Variants in TAFA5 observed in about 807,000 individuals in gnomAD.
TAFA5 encodes TAFA chemokine like family member 5, also known as chemokine-like protein TAFA-5.
A neutral mutation model predicts 15.3 loss-of-function variants in TAFA5; 6 were observed. The ratio of observed to expected loss-of-function variants is 0.39; its 90% confidence interval spans 0.21 to 0.77. The LOEUF (loss-of-function observed/expected upper bound fraction) is 0.77, where lower values mean the gene tolerates loss of function less well. Ranked by LOEUF, TAFA5 falls within the 30% of genes least tolerant of loss-of-function variation. The pLI is 0.41. For synonymous variants in TAFA5, 103 were observed against 80.7 expected (o/e 1.28, Z -1.48); for missense variants, 161 against 193.1 (o/e 0.83, Z 0.98).
intron 1 of TAFA5, among the ~76,000 whole-genome samples, chr22:48,514,077 A>G (rs893855704): frequency 6.6e-6 from 1 of 152,090 alleles, no homozygotes; most frequent in Non-Finnish European, 1.5e-5. Flanking sequence ...AGGCTGTGAG[A>G]AAGAAGCTCA....
chr22:48,741,121 C>T (rs1397970122), intron 3 of TAFA5, among the ~76,000 whole-genome samples: 2 of 152,196 alleles, frequency 1.3e-5, no homozygotes, highest in Admixed American at 1.3e-4. Flanking sequence ...TGGTCCTTAT[C>T]CGCACAGATG....
rs1196728404 is a variant in TAFA5 at position 48,552,419 on chromosome 22, G to T, written c.112+62715G>T. Among the ~76,000 whole-genome samples the T allele has an allele frequency of 6.6e-6, 1 of 152,096 alleles. No individual in the cohort carries two copies. The highest frequency in any genetic ancestry group is 1.5e-5 in the Non-Finnish European group (1 of 68,012). ...AAATCCCTCTGCTGATGTAGCTGCT[G>T]GCTGACTCTGTCAGCGCTGCCTGCT... On this transcript the variant is annotated intron_variant, in intron 1 of 3. Transcript: ENST00000402357. This position sits in a 1 kb window ranked among gnomAD's most constrained non-coding sequence, Gnocchi z 4.1.
intron 1 of TAFA5, among the ~76,000 whole-genome samples, chr22:48,516,037 C>T (rs1323075235): frequency 6.6e-6 from 1 of 152,102 alleles, no homozygotes; most frequent in Non-Finnish European, 1.5e-5. Context: ...CGCTCAGCAC[C>T]CGCCGGCCTT....
chr22:48,565,799 G>C (rs865785074), intron 1 of TAFA5, among the ~76,000 whole-genome samples: 1 of 152,228 alleles, frequency 6.6e-6, no homozygotes, highest in Non-Finnish European at 1.5e-5. Context: ...GCAGGTCTGG[G>C]TTTTATTCTC....
rs8140390 is a variant in TAFA5 at position 48,736,426 on chromosome 22, A to G, written c.391-13413A>G. 3.3e-3 allele frequency among the ~76,000 whole-genome samples: 53 copies of G among 16,050 alleles called. 3 individuals are homozygous for G. The highest frequency in any genetic ancestry group is 7.5e-3 in the South Asian group (2 of 268). The allele number at this position is 16,050 out of a possible 152,430, so 10.5% of individuals were successfully genotyped here. A position where few individuals can be genotyped will look rare whatever the true frequency, so the allele number is the denominator to read the frequency against. On this transcript the variant is annotated intron_variant, in intron 3 of 3. Transcript: ENST00000402357. ...CCTAGAGTCCATCCCCCCAGGAGGA[A>G]TGAGAATCGCACTCCTAGGGTCCAT...
At chr22:48,564,188 G>A (rs747840235) in intron 1 of TAFA5, among the ~76,000 whole-genome samples, 48 of 152,332 alleles carry the variant, frequency 3.2e-4, no homozygotes, top group Non-Finnish European at 6.8e-4. Flanking sequence ...GACAACCAAT[G>A]AGAATGAGCA....
At chr22:48,644,747 A>G (rs908444886) in intron 1 of TAFA5, among the ~76,000 whole-genome samples, 1 of 152,164 alleles carries the variant, frequency 6.6e-6, no homozygotes, top group African/African-American at 2.4e-5. Context: ...TGGATAAGGA[A>G]GGGCACCCAG....
chr22:48,688,990 C>CG (rs1928450733), intron 2 of TAFA5, among the ~76,000 whole-genome samples: 2 of 77,196 alleles, frequency 2.6e-5, no homozygotes, highest in African/African-American at 7.0e-5. Context: ...AGACTTGTCT[C>CG]GGAAAAAAAA....
chr22:48,566,564 G>C lies in TAFA5; in HGVS notation c.112+76860G>C, dbSNP rs1923414884. On this transcript the variant is annotated intron_variant, in intron 1 of 3. Coordinates refer to ENST00000402357, the MANE Select transcript of TAFA5 (RefSeq NM_001082967.3). This position sits in a 1 kb window ranked among gnomAD's most constrained non-coding sequence, Gnocchi z 4.5. Reference sequence around the variant, plus strand: ...CCTATGAGGATGTTTGGCCTCTTTAGGGAGGTAGCAGGGGCTGCCCGGGTA... The same window carrying C: ...CCTATGAGGATGTTTGGCCTCTTTACGGAGGTAGCAGGGGCTGCCCGGGTA... Among the ~76,000 whole-genome samples, 1 of 152,208 alleles carries C rather than the reference G, an allele frequency of 6.6e-6. No homozygotes were observed. The highest frequency in any genetic ancestry group is 2.1e-4 in the South Asian group (1 of 4,832).
intron 1 of TAFA5, among the ~76,000 whole-genome samples, chr22:48,641,250 T>G (rs1388146575): frequency 6.6e-6 from 1 of 152,124 alleles, no homozygotes; most frequent in Non-Finnish European, 1.5e-5. Context: ...CCACATTCTT[T>G]CCACAGAAGG....
chr22:48,702,295 C>A (rs1260553959), intron 2 of TAFA5, among the ~76,000 whole-genome samples: 1 of 152,042 alleles, frequency 6.6e-6, no homozygotes, highest in African/African-American at 2.4e-5. Context: ...TGTTTCCAGG[C>A]AGAGAAAGAG....
At chr22:48,497,003 G>A (rs1928349908) in intron 1 of TAFA5, among the ~76,000 whole-genome samples, 3 of 152,208 alleles carry the variant, frequency 2.0e-5, no homozygotes, top group Non-Finnish European at 4.4e-5. Context: ...CTGCTGGACT[G>A]GAGGCCCCCT....
chr22:48,591,645 T>G (rs75613911), intron 1 of TAFA5, among the ~76,000 whole-genome samples: 12,116 of 152,232 alleles, frequency 0.08, 590 homozygotes, highest in South Asian at 0.2. Flanking sequence ...CACAGGGTGA[T>G]GGGGTGACCC....
At chr22:48,509,808 G>A (rs1041993017) in intron 1 of TAFA5, among the ~76,000 whole-genome samples, 4 of 152,096 alleles carry the variant, frequency 2.6e-5, no homozygotes, top group South Asian at 4.2e-4. Flanking sequence ...AAAATTAGCC[G>A]GGCACAGTGG....
chr22:48,503,115 C>T (rs1422082216), intron 1 of TAFA5, among the ~76,000 whole-genome samples: 1 of 152,186 alleles, frequency 6.6e-6, no homozygotes, highest in Admixed American at 6.5e-5. Flanking sequence ...TGTCGGGAGG[C>T]AGCGGGTGGC....
chr22:48,498,352 G>GC (rs1378392990), intron 1 of TAFA5, among the ~76,000 whole-genome samples: 13 of 152,046 alleles, frequency 8.6e-5, no homozygotes, highest in Non-Finnish European at 1.9e-4. Context: ...AGAGGCAGGG[G>GC]CTGGAGGGCT....
chr22:48,527,459 G>T (rs1569168223), intron 1 of TAFA5, among the ~76,000 whole-genome samples: 1 of 152,232 alleles, frequency 6.6e-6, no homozygotes, highest in African/African-American at 2.4e-5. Flanking sequence ...CAGTGAGGCG[G>T]ACTCCTGAGC....
At chr22:48,638,773 T>C (rs932374752) in intron 1 of TAFA5, among the ~76,000 whole-genome samples, 9 of 51,842 alleles carry the variant, frequency 1.7e-4, no homozygotes, top group Non-Finnish European at 1.5e-4. Context: ...ACCCCCCCCA[T>C]CCCCCGACAC....
chr22:48,492,598 C>T (rs1928194153), intron 1 of TAFA5, among the ~76,000 whole-genome samples: 1 of 152,140 alleles, frequency 6.6e-6, no homozygotes, highest in Non-Finnish European at 1.5e-5. Flanking sequence ...ACCAATTAGG[C>T]TAGTTGCTAT....
Sources: allele counts gnomAD v4.1 joint callset (sites outside exome capture counted in the v4.1 genomes callset), GRCh38; gene constraint gnomAD v4.1.1; non-coding constraint Gnocchi (gnomAD v3.1); transcripts MANE v1.5; gene names NCBI Gene and HGNC (gene_info 2026-07-23, HGNC 2026-07-21).